Variants in SHISA9 observed in about 807,000 individuals in gnomAD.
The protein encoded by SHISA9 is protein shisa-9.
Under a neutral mutation model 38.0 loss-of-function variants are expected in SHISA9, and 13 were observed. The observed-to-expected ratio is 0.34, with a 90% CI of 0.22 to 0.54. The LOEUF is 0.54. SHISA9 is among the 20% of genes least tolerant of loss of function. The pLI is 0.91. For synonymous variants in SHISA9, 275 were observed against 242.0 expected (o/e 1.14, Z -1.27); for missense variants, 538 against 575.8 (o/e 0.93, Z 0.67).
the SHISA9 span, among the ~76,000 whole-genome samples, chr16:13,535,095 A>T: frequency 5.9e-5 from 9 of 151,992 alleles, no homozygotes; most frequent in African/African-American, 1.9e-4. Context: ...AAAATACAAA[A>T]ATTAGCTCAA....
chr16:13,120,311 G>A (rs1445407148), intron 2 of SHISA9, among the ~76,000 whole-genome samples: 1 of 152,116 alleles, frequency 6.6e-6, no homozygotes, highest in Admixed American at 6.6e-5. Context: ...GGAGCCCTTT[G>A]GCTTATCTGC....
the SHISA9 span, among the ~76,000 whole-genome samples, chr16:13,546,993 C>G: frequency 1.1e-4 from 17 of 152,172 alleles, no homozygotes. Flanking sequence ...CACCCTGGGC[C>G]AACATTCATC....
At chr16:13,451,192 C>A in the SHISA9 span, among the ~76,000 whole-genome samples, 14 of 152,294 alleles carry the variant, frequency 9.2e-5, no homozygotes, top group East Asian at 2.3e-3. Flanking sequence ...TCCATGCTGG[C>A]TCTTGGAGTT....
At chr16:13,543,348 A>G in the SHISA9 span, among the ~76,000 whole-genome samples, 1 of 152,238 alleles carries the variant, frequency 6.6e-6, no homozygotes, top group East Asian at 1.9e-4. Context: ...TTACACTTCA[A>G]GAGTAACTGA....
chr16:13,230,201 G>A (rs1190873691), intron 4 of SHISA9, among the ~76,000 whole-genome samples: 2 of 152,224 alleles, frequency 1.3e-5, no homozygotes, highest in African/African-American at 4.8e-5. Flanking sequence ...CAGGAACCAT[G>A]TCTGTTTCTG....
intron 2 of SHISA9, among the ~76,000 whole-genome samples, chr16:12,952,015 C>T (rs1260785209): frequency 6.6e-6 from 1 of 152,290 alleles, no homozygotes; most frequent in Middle Eastern, 3.4e-3. Context: ...ACTGGTCTAC[C>T]CTGGAAGGCG....
chr16:13,506,317 C>A, the SHISA9 span, among the ~76,000 whole-genome samples: 2 of 152,102 alleles, frequency 1.3e-5, no homozygotes, highest in African/African-American at 4.8e-5. Flanking sequence ...AAAAAGACAA[C>A]GACTCCTAGA....
chr16:13,261,828 A>C, the SHISA9 span, among the ~76,000 whole-genome samples: 2 of 152,138 alleles, frequency 1.3e-5, no homozygotes, highest in Non-Finnish European at 2.9e-5. Context: ...GAAAACTGAG[A>C]TAGGAGTTAA....
intron 4 of SHISA9, among the ~76,000 whole-genome samples, chr16:13,221,680 TG>T (rs2051227508): frequency 6.6e-6 from 1 of 152,216 alleles, no homozygotes; most frequent in South Asian, 2.1e-4. Context: ...TAAAATCCAG[TG>T]GTTTTCAGAA....
At chr16:13,137,575 C>T (rs138373110) in intron 2 of SHISA9, among the ~76,000 whole-genome samples, 1 of 151,898 alleles carries the variant, frequency 6.6e-6, no homozygotes, top group Non-Finnish European at 1.5e-5. Flanking sequence ...TCTGTCTCAG[C>T]CTCTCGAATA....
the SHISA9 span, among the ~76,000 whole-genome samples, chr16:13,452,323 T>A: frequency 6.6e-6 from 1 of 152,188 alleles, no homozygotes; most frequent in Non-Finnish European, 1.5e-5. Context: ...TGCTTCAGGG[T>A]GAAAATGCAA....
At chr16:13,490,206 C>T in the SHISA9 span, among the ~76,000 whole-genome samples, 1 of 152,046 alleles carries the variant, frequency 6.6e-6, no homozygotes, top group African/African-American at 2.4e-5. Context: ...GGAGCAGTTA[C>T]GAGGGCATGG....
chr16:13,451,550 G>A, the SHISA9 span, among the ~76,000 whole-genome samples: 1 of 152,202 alleles, frequency 6.6e-6, no homozygotes, highest in South Asian at 2.1e-4. Context: ...CAGACCTGGT[G>A]ATCATGAAAA....
At chr16:13,331,083 C>A in the SHISA9 span, among the ~76,000 whole-genome samples, 3 of 152,066 alleles carry the variant, frequency 2.0e-5, no homozygotes, top group Non-Finnish European at 4.4e-5. Context: ...GAGTCAGAAC[C>A]AAGTAATAGA....
the SHISA9 span, among the ~76,000 whole-genome samples, chr16:13,452,573 A>T: frequency 6.6e-6 from 1 of 152,176 alleles, no homozygotes; most frequent in Non-Finnish European, 1.5e-5. Context: ...TACAGATCGG[A>T]TGGGTGTTAG....
chr16:12,918,956 T>C (rs2071293378), intron 2 of SHISA9, among the ~76,000 whole-genome samples: 3 of 152,258 alleles, frequency 2.0e-5, no homozygotes, highest in Admixed American at 2.0e-4. Context: ...GCTTAATATA[T>C]GTAACACATT....
chr16:13,221,197 CT>C (rs2051221532), intron 4 of SHISA9, among the ~76,000 whole-genome samples: 1 of 152,174 alleles, frequency 6.6e-6, no homozygotes, highest in Non-Finnish European at 1.5e-5. Flanking sequence ...CCCCGTGCTT[CT>C]TTAGGACCTG....
chr16:13,530,788 C>T, the SHISA9 span, among the ~76,000 whole-genome samples: 1 of 152,172 alleles, frequency 6.6e-6, no homozygotes, highest in Non-Finnish European at 1.5e-5. Context: ...TGACCTGTAG[C>T]TCCAAGGGTG....
At chr16:13,314,455 G>A in the SHISA9 span, among the ~76,000 whole-genome samples, 19 of 151,954 alleles carry the variant, frequency 1.3e-4, no homozygotes, top group African/African-American at 4.6e-4. Context: ...GGCCAGGCTG[G>A]TCTCAAACTC....
Sources: allele counts gnomAD v4.1 joint callset (sites outside exome capture counted in the v4.1 genomes callset), GRCh38; gene constraint gnomAD v4.1.1; transcripts MANE v1.5; gene names NCBI Gene and HGNC (gene_info 2026-07-23, HGNC 2026-07-21).